LRP1B: variants seen among roughly 807,000 people sequenced by gnomAD.
LRP1B encodes LDL receptor related protein 1B.
In LRP1B, 217 loss-of-function variants were observed where a neutral mutation model predicts 556.6. The observed-to-expected ratio is 0.39, with a 90% CI of 0.35 to 0.44. The LOEUF (loss-of-function observed/expected upper bound fraction) is 0.44. Among genes scored for constraint, LRP1B ranks in the 20% least tolerant of loss-of-function variants. The pLI is 1.00. For missense variants in LRP1B, 5,053 were observed against 5,620.8 expected (o/e 0.90, Z 3.23); for synonymous variants, 2,047 against 1,865.8 (o/e 1.10, Z -2.50).
chr2:142,061,594 C>A (rs894701336), intron 1 of LRP1B, among the ~76,000 whole-genome samples: 6 of 151,876 alleles, frequency 4.0e-5, no homozygotes, highest in Non-Finnish European at 8.8e-5. Context: ...AAACATTATT[C>A]AATGTATGCA....
chr2:141,730,642 T>C (rs1693234898), intron 2 of LRP1B, among the ~76,000 whole-genome samples: 1 of 152,156 alleles, frequency 6.6e-6, no homozygotes, highest in Non-Finnish European at 1.5e-5. Flanking sequence ...CTGAAAATGA[T>C]ATTACTAATT....
intron 21 of LRP1B, among the ~76,000 whole-genome samples, chr2:140,910,330 A>G (rs1033251297): frequency 4.0e-5 from 6 of 151,784 alleles, no homozygotes; most frequent in African/African-American, 1.4e-4. Flanking sequence ...ATGCAGTATC[A>G]CCTCATTTGC....
intron 31 of LRP1B, among the ~76,000 whole-genome samples, chr2:140,837,967 GAAC>G (rs1273837403): frequency 2.6e-5 from 4 of 151,954 alleles, no homozygotes; most frequent in African/African-American, 7.2e-5. Flanking sequence ...ATCACTTGGT[GAAC>G]AACATCTGAG....
intron 42 of LRP1B, among the ~76,000 whole-genome samples, chr2:140,600,781 T>TTG: frequency 6.8e-6 from 1 of 146,084 alleles, no homozygotes; most frequent in Non-Finnish European, 1.5e-5. Context: ...TTTTTTTTTT[T>TTG]TTTTTTTTTT....
chr2:141,107,856 G>A (rs1700645479), intron 7 of LRP1B, among the ~76,000 whole-genome samples: 1 of 151,912 alleles, frequency 6.6e-6, no homozygotes, highest in Admixed American at 6.6e-5. Context: ...CATTAGAATA[G>A]CAAAACACTA....
chr2:141,705,372 A>G (rs539154854), intron 2 of LRP1B, among the ~76,000 whole-genome samples: 119 of 152,060 alleles, frequency 7.8e-4, no homozygotes, highest in Admixed American at 2.1e-3. Flanking sequence ...AGGGTGATCA[A>G]TCCATCCCAG....
chr2:142,045,617 A>G (rs1354689155), intron 1 of LRP1B, among the ~76,000 whole-genome samples: 1 of 151,940 alleles, frequency 6.6e-6, no homozygotes, highest in Non-Finnish European at 1.5e-5. Context: ...TTTTGCAACT[A>G]TTATAATAAT....
At chr2:141,269,013 TCTAAGAAGAGTGAAG>T (rs1256833507) in intron 3 of LRP1B, among the ~76,000 whole-genome samples, 2 of 152,132 alleles carry the variant, frequency 1.3e-5, no homozygotes, top group African/African-American at 4.8e-5. Flanking sequence ...GAGGTATAAC[TCTAAGAAGAGTGAAG>T]CACTGTCCCA....
chr2:141,463,605 T>TA (rs1491511817), intron 3 of LRP1B, among the ~76,000 whole-genome samples: 7,554 of 109,210 alleles, frequency 0.069, 521 homozygotes, highest in African/African-American at 0.098. Context: ...ATATTATATA[T>TA]TATATATAAT....
chr2:140,345,462 C>T (rs1210172239), intron 77 of LRP1B, among the ~76,000 whole-genome samples: 2 of 151,328 alleles, frequency 1.3e-5, no homozygotes, highest in African/African-American at 2.4e-5. Flanking sequence ...TTTATTTTCT[C>T]TTAATGCACT....
chr2:141,769,471 GCTC>G (rs968706242), intron 2 of LRP1B, among the ~76,000 whole-genome samples: 3 of 152,150 alleles, frequency 2.0e-5, no homozygotes, highest in African/African-American at 7.2e-5. Context: ...AGAGAACAGT[GCTC>G]CAAAGAAATG....
At chr2:140,838,987 A>G (rs1692011454) in intron 31 of LRP1B, among the ~76,000 whole-genome samples, 1 of 152,164 alleles carries the variant, frequency 6.6e-6, no homozygotes, top group African/African-American at 2.4e-5. Context: ...CCATCACGTT[A>G]TAGCTGATGA....
intron 1 of LRP1B, among the ~76,000 whole-genome samples, chr2:142,087,709 A>G (rs187772480): frequency 1.0e-3 from 157 of 152,190 alleles, no homozygotes; most frequent in Non-Finnish European, 1.9e-3. Context: ...AGAGAAAGAT[A>G]AAGTGTCTAC....
intron 1 of LRP1B, among the ~76,000 whole-genome samples, chr2:141,955,048 C>A (rs776667657): frequency 1.9e-4 from 29 of 152,104 alleles, no homozygotes; most frequent in Non-Finnish European, 3.7e-4. Context: ...GAAAAGACAA[C>A]AGACTGGTTG....
At chr2:141,744,799 T>C (rs558205441) in intron 2 of LRP1B, among the ~76,000 whole-genome samples, 104 of 152,282 alleles carry the variant, frequency 6.8e-4, no homozygotes, top group Non-Finnish European at 1.2e-3. Flanking sequence ...TTTATTGTAG[T>C]CTTCACAGTC....
At position 140,647,778 on chromosome 2, in the gene LRP1B, T is replaced by G. The variant is rs181720377; in HGVS notation, c.6800-46139A>C. ...CAGTTAGAATGGCGATCATTAAAAATTCAGGAAACAACAGGTGCTGGAGAG... is the reference window on the plus strand; with the variant it reads ...CAGTTAGAATGGCGATCATTAAAAAGTCAGGAAACAACAGGTGCTGGAGAG... On this transcript the variant is annotated intron_variant, in intron 41 of 90. Coordinates refer to ENST00000389484, the MANE Select transcript of LRP1B (RefSeq NM_018557.3). 5.7e-3 allele frequency among the ~76,000 whole-genome samples: 873 copies of G among 152,194 alleles called. 15 individuals carry two copies. The highest frequency in any genetic ancestry group is 0.02 in the Middle Eastern group (6 of 294).
At chr2:141,325,426 C>T (rs1687397174) in intron 3 of LRP1B, among the ~76,000 whole-genome samples, 1 of 151,734 alleles carries the variant, frequency 6.6e-6, no homozygotes, top group Admixed American at 6.6e-5. Flanking sequence ...AGATTATTTC[C>T]ATAATTTCTC....
chr2:140,764,168 A>G (rs991241304), intron 35 of LRP1B, among the ~76,000 whole-genome samples: 2 of 152,134 alleles, frequency 1.3e-5, no homozygotes, highest in African/African-American at 4.8e-5. Flanking sequence ...AGGCATAGAA[A>G]ATAAAAAAGA....
intron 18 of LRP1B, among the ~76,000 whole-genome samples, chr2:140,953,382 C>T (rs1573916840): frequency 1.3e-5 from 2 of 152,292 alleles, no homozygotes; most frequent in South Asian, 4.1e-4. Flanking sequence ...AGCCACTGCG[C>T]CTGGCCCATA....
Sources: gnomAD v4.1 joint callset for allele counts (sites outside exome capture counted in the v4.1 genomes callset) on GRCh38, gnomAD v4.1.1 for gene constraint, MANE v1.5 for transcripts, NCBI Gene and HGNC (gene_info 2026-07-23, HGNC 2026-07-21) for gene names.